The following ABCA9 variants were observed in gnomAD, a reference collection of about 807,000 sequenced individuals.
ABCA9 encodes the protein ATP binding cassette subfamily A member 9.
In ABCA9, 183 loss-of-function variants were observed where a neutral mutation model predicts 205.3. The ratio of observed to expected loss-of-function variants is 0.89; its 90% CI spans 0.79 to 1.01. The LOEUF is 1.01. ABCA9 is among the 50% of genes least tolerant of loss of function. The pLI is 0.00. For missense variants in ABCA9, 1,805 were observed against 1,912.4 expected (o/e 0.94, Z 1.05); for synonymous variants, 651 against 683.3 (o/e 0.95, Z 0.74).
chr17:69,043,424 G>A, intron 6 of ABCA9, 65 bp downstream of exon 6: 1 of 1,354,940 alleles, frequency 7.4e-7, no homozygotes, highest in Non-Finnish European at 1.0e-6. Flanking sequence ...CTGGTCTAAG[G>A]AGTCAACCAG....
chr17:69,044,327 C>A (rs2071641117), intron 5 of ABCA9, among the ~76,000 whole-genome samples, 170 bp downstream of exon 5: 1 of 152,182 alleles, frequency 6.6e-6, no homozygotes, highest in African/African-American at 2.4e-5. Flanking sequence ...CTGTGTTCTA[C>A]TTATTTTCTG....
rs191507189 is a variant in ABCA9 at position 69,021,313 on chromosome 17, A to G, written c.2401+429T>C. Among the ~76,000 whole-genome samples, 868 of 152,238 alleles carry G rather than the reference A, an allele frequency of 5.7e-3. 10 individuals carry two copies. The highest frequency in any genetic ancestry group is 0.02 in the African/African-American group (829 of 41,556). ...AAAATTATCTTAGCAGCAATAAGAG[A>G]GAAAAGACAGAATGCTTCCCAAGGA... On this transcript the variant is annotated intron_variant, in intron 18 of 38. Coordinates refer to ENST00000340001, the MANE Select transcript of ABCA9 (RefSeq NM_080283.4).
chr17:68,989,458 TG>T (rs1306707070), intron 30 of ABCA9, among the ~76,000 whole-genome samples: 1 of 152,154 alleles, frequency 6.6e-6, no homozygotes, highest in Non-Finnish European at 1.5e-5. Flanking sequence ...TTTCACGAAA[TG>T]GGCTGTTTTG....
intron 15 of ABCA9, 144 bp downstream of exon 15, chr17:69,026,832 G>T: frequency 1.1e-6 from 1 of 947,158 alleles, no homozygotes; most frequent in Non-Finnish European, 1.5e-6. Flanking sequence ...ACTCTGGCAT[G>T]CAGACCCACA....
chr17:68,984,767 TA>T, intron 34 of ABCA9, 117 bp downstream of exon 34: 1 of 1,357,624 alleles, frequency 7.4e-7, no homozygotes, highest in Non-Finnish European at 1.0e-6. Flanking sequence ...TTTTTTTTCC[TA>T]AAATATTGCT....
At chr17:69,074,678 C>T in the ABCA9 span, among the ~76,000 whole-genome samples, 1 of 152,066 alleles carries the variant, frequency 6.6e-6, no homozygotes, top group African/African-American at 2.4e-5. Context: ...CGGTTGATTC[C>T]ATGTCTTTAC....
chr17:69,046,907 AT>A (rs1427838988), intron 3 of ABCA9, among the ~76,000 whole-genome samples: 8 of 130,836 alleles, frequency 6.1e-5, no homozygotes, highest in Admixed American at 3.3e-4. Flanking sequence ...ATATATATAT[AT>A]ATATAAAATT....
chr17:69,004,006 G>C (rs183074242), intron 25 of ABCA9, among the ~76,000 whole-genome samples: 1 of 152,072 alleles, frequency 6.6e-6, no homozygotes, highest in East Asian at 1.9e-4. Flanking sequence ...CGTTATTCTA[G>C]TTATACTTTC....
intron 27 of ABCA9, 61 bp from the exon 28 acceptor site, chr17:68,992,327 G>T: frequency 9.3e-7 from 1 of 1,073,544 alleles, no homozygotes. Flanking sequence ...TTTCAATATT[G>T]GAATTGATTT....
rs2068873979 is a variant in ABCA9, at chr17:68,975,677, G to C, written c.*238C>G. On this transcript the variant is annotated 3_prime_UTR_variant, in exon 39 of 39. Coordinates refer to ENST00000340001, the MANE Select transcript of ABCA9 (RefSeq NM_080283.4). The stretch of plus-strand genomic sequence containing the variant: ...TGCATTTTTAAACTTAACACAGTAG[G>C]AAACATGGGATTTGGTTGCTGGCAC... 2.5e-6 allele frequency: 1 copy of C among 399,752 alleles called. No individual in the cohort carries two copies. The highest frequency in any genetic ancestry group is 2.0e-5 in the African/African-American group (1 of 50,758). 24.8% of individuals were successfully genotyped at this position (399,752 alleles called of 1,614,324 possible). A position where few individuals can be genotyped will look rare whatever the true frequency, so the allele number is the denominator to read the frequency against.
intron 22 of ABCA9, among the ~76,000 whole-genome samples, chr17:69,013,989 A>C (rs983122504): frequency 2.1e-4 from 32 of 152,260 alleles, no homozygotes; most frequent in African/African-American, 7.7e-4. Flanking sequence ...TCTGTAGTGA[A>C]GACATCTTTT....
rs149996924 is a variant in ABCA9 at position 69,043,530 on chromosome 17, C to T, written c.759G>A (p.Thr253=). The T allele has an allele frequency of 8.4e-4, 1,344 of 1,608,164 alleles. 4 individuals are homozygous for T. Among genetic ancestry groups the T allele is most frequent in the Admixed American group, 2.3e-3 (135 of 59,276 alleles). Residue 253 remains threonine (T), a synonymous_variant, in exon 6 of 39, where the codon ACG becomes ACA. Transcript: ENST00000340001. ...VNVTQERQYI[T]SLMTMMGLRE... ...GGAGTCCCATCATTGTCATCAATGACGTAATGTATTGTCTTTCTTGTGTAA... is the reference window on the plus strand; with the variant it reads ...GGAGTCCCATCATTGTCATCAATGATGTAATGTATTGTCTTTCTTGTGTAA...
At chr17:69,012,667 T>C (rs58348599) in intron 22 of ABCA9, among the ~76,000 whole-genome samples, 7,639 of 152,198 alleles carry the variant, frequency 0.05, 436 homozygotes, top group African/African-American at 0.14. Context: ...AGGCATGCAA[T>C]GTGAAGTAAG....
intron 9 of ABCA9, chr17:69,033,324 G>GAAAAAA (rs1567960119): frequency 1.2e-4 from 13 of 110,980 alleles, no homozygotes; most frequent in Non-Finnish European, 1.3e-4. Context: ...AAAAAAAAAG[G>GAAAAAA]AAAGAAAGAA....
intron 1 of ABCA9, among the ~76,000 whole-genome samples, chr17:69,058,592 C>T (rs1449856742): frequency 1.3e-5 from 2 of 152,152 alleles, no homozygotes; most frequent in South Asian, 4.1e-4. Flanking sequence ...GTAATCCCAG[C>T]ACTTTGGGAG....
rs774949799 is a variant in ABCA9 at position 69,027,134 on chromosome 17, T to C, written c.1912-20A>G. The stretch of plus-strand genomic sequence containing the variant: ...CAAAACCTGGACAGGAGGAAAGTCC[T>C]AAAGTAATTCCACCCTTTCGGATAA... On this transcript the variant is annotated intron_variant, in intron 14 of 38. Coordinates refer to ENST00000340001, the MANE Select transcript of ABCA9 (RefSeq NM_080283.4). 4.3e-6 allele frequency: 7 copies of C among 1,611,732 alleles called. No homozygotes were observed. Among genetic ancestry groups the C allele is most frequent in the Non-Finnish European group, 5.9e-6 (7 of 1,179,406 alleles).
At chr17:69,014,454 G>A (rs903908560) in intron 22 of ABCA9, among the ~76,000 whole-genome samples, 8 of 152,044 alleles carry the variant, frequency 5.3e-5, no homozygotes, top group East Asian at 1.9e-4. Context: ...TCGAGAATCC[G>A]AAACACTTCT....
Position 68,984,286 on chromosome 17 carries a change from T to A in ABCA9, c.4380-111A>T. On this transcript the variant is annotated intron_variant, in intron 34 of 38. Coordinates refer to ENST00000340001, the MANE Select transcript of ABCA9 (RefSeq NM_080283.4). The stretch of plus-strand genomic sequence containing the variant: ...GATGAAACATGCAGCGAATTCAGAC[T>A]AGACAAAAAAGGGGTGTGTGTAGGG... The A allele has an allele frequency of 1.0e-5, 15 of 1,473,408 alleles. No homozygotes were observed. In the Admixed American group the frequency reaches 1.1e-4, roughly 10 times the overall value. The allele number at this position is 1,473,408 out of a possible 1,614,324, so 91.3% of individuals were successfully genotyped here.
At chr17:69,011,934 C>A (rs2070389910) in intron 23 of ABCA9, 42 bp downstream of exon 23, 24 of 1,428,916 alleles carry the variant, frequency 1.7e-5, no homozygotes, top group Non-Finnish European at 2.3e-5. Context: ...GGGAAGGGTT[C>A]TCTAGATATA....
Sources: allele counts gnomAD v4.1 joint callset (sites outside exome capture counted in the v4.1 genomes callset), GRCh38; gene constraint gnomAD v4.1.1; transcripts MANE v1.5; gene names NCBI Gene and HGNC (gene_info 2026-07-23, HGNC 2026-07-21).